The following HSD17B13 variants were observed in gnomAD, a reference collection of about 807,000 sequenced individuals.
HSD17B13 encodes the protein hydroxysteroid 17-beta dehydrogenase 13.
In HSD17B13, 26 loss-of-function variants were observed where a neutral mutation model predicts 31.1. The observed-to-expected ratio is 0.84, with a 90% CI of 0.61 to 1.16. The LOEUF (loss-of-function observed/expected upper bound fraction) is 1.16, where lower values mean the gene tolerates loss of function less well. Ranked by LOEUF, HSD17B13 falls within the 50% of genes most tolerant of loss-of-function variation. The pLI, the probability that HSD17B13 is intolerant of heterozygous loss-of-function variation, is 0.00. For synonymous variants in HSD17B13, 141 were observed against 133.7 expected (o/e 1.05, Z -0.38); for missense variants, 374 against 366.5 (o/e 1.02, Z -0.17).
At position 87,309,299 on chromosome 4, in the gene HSD17B13, A is replaced by T. The variant is rs966673347; in HGVS notation, c.812+944T>A. Among the ~76,000 whole-genome samples the T allele has an allele frequency of 3.4e-5, 5 of 147,448 alleles. No homozygotes were observed. The South Asian group carries it at 1.1e-3, about 32-fold the overall frequency. ...CTTGGGAGGCTGAGGCAGGAGAATC[A>T]CTTGAAGCCAGGAGGCAGAAGCTGC... On this transcript the variant is annotated intron_variant, in intron 6 of 6. Coordinates refer to ENST00000328546, the MANE Select transcript of HSD17B13 (RefSeq NM_178135.5).
intron 5 of HSD17B13, among the ~76,000 whole-genome samples, chr4:87,313,115 A>G (rs1186049517): frequency 6.6e-6 from 1 of 152,022 alleles, no homozygotes; most frequent in African/African-American, 2.4e-5. Context: ...AACAGTACCT[A>G]TGGTCTAACA....
At chr4:87,314,641 T>TCTTTCACACA (rs373166006) in intron 4 of HSD17B13, among the ~76,000 whole-genome samples, 3,642 of 142,242 alleles carry the variant, frequency 0.026, 150 homozygotes, top group African/African-American at 0.087. Flanking sequence ...TCTCTCTCTC[T>TCTTTCACACA]CACACACACA....
At chr4:87,310,145 GC>G (rs1734494171) in intron 6 of HSD17B13, 97 bp downstream of exon 6, 1 of 1,404,410 alleles carries the variant, frequency 7.1e-7, no homozygotes, top group Non-Finnish European at 9.3e-7. Context: ...CCGCAATCCA[GC>G]CAGGGTGACA....
intron 5 of HSD17B13, 143 bp from the exon 6 acceptor site, chr4:87,310,502 C>T: frequency 2.1e-6 from 2 of 950,544 alleles, no homozygotes; most frequent in Non-Finnish European, 2.8e-6. Context: ...GCATTAATGC[C>T]ACCCTACCCA....
intron 6 of HSD17B13, among the ~76,000 whole-genome samples, chr4:87,308,881 T>C (rs1363535459): frequency 7.1e-6 from 1 of 141,754 alleles, no homozygotes; most frequent in African/African-American, 2.6e-5. Context: ...AGAAATTAAA[T>C]TTGTAATTAA....
intron 6 of HSD17B13, among the ~76,000 whole-genome samples, chr4:87,305,758 T>C (rs13142110): frequency 0.49 from 74,966 of 151,902 alleles, 19,514 homozygotes; most frequent in African/African-American, 0.66. Context: ...CACTATTTTG[T>C]CAGGCTTCTG....
chr4:87,311,835 A>G (rs1734536229), intron 5 of HSD17B13, among the ~76,000 whole-genome samples: 1 of 152,204 alleles, frequency 6.6e-6, no homozygotes, highest in Non-Finnish European at 1.5e-5. Flanking sequence ...GCCAACAGAG[A>G]GTAATACAAA....
intron 4 of HSD17B13, among the ~76,000 whole-genome samples, chr4:87,314,669 ACTTT>A (rs111246119): frequency 2.7e-4 from 41 of 150,788 alleles, no homozygotes; most frequent in African/African-American, 9.3e-4. Context: ...ACACACACAC[ACTTT>A]CATGGCACAA....
chr4:87,322,477 C>G (rs1734811199), intron 1 of HSD17B13, among the ~76,000 whole-genome samples, 155 bp downstream of exon 1: 1 of 152,150 alleles, frequency 6.6e-6, no homozygotes, highest in South Asian at 2.1e-4. Flanking sequence ...TTCCCTTCAT[C>G]TAACTAACCT....
chr4:87,310,991 C>T (rs60837247), intron 5 of HSD17B13, among the ~76,000 whole-genome samples: 3,249 of 151,988 alleles, frequency 0.021, 114 homozygotes, highest in African/African-American at 0.074. Context: ...GTAAAGAAGC[C>T]GGCCAAAACC....
intron 2 of HSD17B13, 74 bp downstream of exon 2, chr4:87,318,255 A>C: frequency 9.1e-7 from 1 of 1,095,844 alleles, no homozygotes; most frequent in South Asian, 1.2e-5. Flanking sequence ...AGTCATAAAG[A>C]CCTTTCTCAT....
rs1284401522 is a variant in HSD17B13 at position 87,318,440 on chromosome 4, T to C, written c.211-4A>G. The stretch of plus-strand genomic sequence containing the variant: ...CTGCAGTTTCCTCCACACCGCGCTG[T>C]AATTAGGAAGAAACAAATTCCGAAA... On this transcript the variant is annotated splice_region_variant and splice_polypyrimidine_tract_variant and intron_variant, in intron 1 of 6. Transcript: ENST00000328546. The C allele has an allele frequency of 9.9e-6, 16 of 1,612,802 alleles. No individual in the cohort carries two copies. Among genetic ancestry groups the C allele is most frequent in the Admixed American group, 3.3e-5 (2 of 59,998 alleles).
chr4:87,320,911 A>G lies in HSD17B13; in HGVS notation c.210+1721T>C, dbSNP rs559407998. Among the ~76,000 whole-genome samples, 30 of 152,336 alleles carry G rather than the reference A, an allele frequency of 2.0e-4. No individual in the cohort carries two copies. In the South Asian group the frequency reaches 6.2e-3, roughly 32 times the overall value. ...ACTCAGCCAGCATCTTCCTCGCCTA[A>G]AGGAGATCTGAGTTACATTACAGCC... On this transcript the variant is annotated intron_variant, in intron 1 of 6. Coordinates refer to ENST00000328546, the MANE Select transcript of HSD17B13 (RefSeq NM_178135.5).
At chr4:87,312,623 G>C in intron 5 of HSD17B13, among the ~76,000 whole-genome samples, 1 of 142,064 alleles carries the variant, frequency 7.0e-6, no homozygotes, top group Non-Finnish European at 1.5e-5. Flanking sequence ...TCCGCCTCCC[G>C]GGTTCACGCC....
At chr4:87,307,189 G>A (rs774654670) in intron 6 of HSD17B13, among the ~76,000 whole-genome samples, 2 of 152,038 alleles carry the variant, frequency 1.3e-5, no homozygotes, top group East Asian at 1.9e-4. Context: ...GCATCTGCTC[G>A]TAAAATTGTG....
Position 87,314,079 on chromosome 4 carries a change from G to A in HSD17B13, c.558-119C>T, listed in dbSNP as rs1394745306. 7 of 670,304 alleles carry A rather than the reference G, an allele frequency of 1.0e-5. No individual in the cohort carries two copies. In the Admixed American group the frequency reaches 2.0e-4, roughly 19 times the overall value. The allele number at this position is 670,304 out of a possible 1,614,324, so 41.5% of individuals were successfully genotyped here. On this transcript the variant is annotated intron_variant, in intron 4 of 6. Transcript: ENST00000328546. ...AGTGGAAGCCAAAAATCAGCCACTT[G>A]TGATTTTTCTGAGAGTATAAATGGC...
rs1179891390 is a variant in HSD17B13, at chr4:87,316,774, T to C, written c.450+318A>G. 2.6e-5 allele frequency among the ~76,000 whole-genome samples: 4 copies of C among 152,166 alleles called. No individual in the cohort carries two copies. The East Asian group carries it at 5.8e-4, about 22-fold the overall frequency. On this transcript the variant is annotated intron_variant, in intron 3 of 6. Transcript: ENST00000328546. ...AAAAATGAAGTCACAAGTGACAGCA[T>C]TGAAAAGATGTACACTGACAACCCT... is the stretch of plus-strand genomic sequence containing the variant.
chr4:87,317,970 T>C (rs1348585107), intron 2 of HSD17B13, among the ~76,000 whole-genome samples: 3 of 152,070 alleles, frequency 2.0e-5, no homozygotes, highest in Non-Finnish European at 4.4e-5. Context: ...CAAAATAAAA[T>C]CTCACAAGGG....
Position 87,305,130 on chromosome 4 carries a change from G to GA in HSD17B13, c.*87dup. The stretch of plus-strand genomic sequence containing the variant: ...CAATGTTTTTAATATTATCAGGACT[G>GA]AAAAAATGTGAAATAAAGCTTTGCA... On this transcript the variant is annotated 3_prime_UTR_variant, in exon 7 of 7. Transcript: ENST00000328546. 1 of 795,436 alleles carries GA rather than the reference G, an allele frequency of 1.3e-6. No homozygotes were observed. The highest frequency in any genetic ancestry group is 3.2e-5 in the Admixed American group (1 of 31,716). The allele number at this position is 795,436 out of a possible 1,614,324, so 49.3% of individuals were successfully genotyped here.
Sources: allele counts gnomAD v4.1 joint callset (sites outside exome capture counted in the v4.1 genomes callset), GRCh38; gene constraint gnomAD v4.1.1; transcripts MANE v1.5; gene names NCBI Gene and HGNC (gene_info 2026-07-23, HGNC 2026-07-21).